Variants in ECE1 observed in about 807,000 individuals in gnomAD.
The protein encoded by ECE1 is endothelin converting enzyme 1, also known as endothelin-converting enzyme 1.
Under a neutral mutation model 98.6 loss-of-function variants are expected in ECE1, and 35 were observed. The observed-to-expected ratio is 0.35, with a 90% CI of 0.27 to 0.47. The LOEUF is 0.47. ECE1 is among the 20% of genes least tolerant of loss of function. ECE1 has a pLI of 1.00. For missense variants in ECE1, 814 were observed against 1,025.3 expected (o/e 0.79, Z 2.81); for synonymous variants, 394 against 407.1 (o/e 0.97, Z 0.39).
chr1:21,239,317 G>A (rs2098192766), intron 10 of ECE1, among the ~76,000 whole-genome samples: 1 of 152,330 alleles, frequency 6.6e-6, no homozygotes, highest in East Asian at 1.9e-4. Flanking sequence ...TCCCTCTGTG[G>A]ACAGTATATA....
At chr1:21,221,944 A>G in intron 17 of ECE1, 102 bp from the exon 18 acceptor site, 3 of 1,053,594 alleles carry the variant, frequency 2.8e-6, no homozygotes, top group South Asian at 2.5e-5. Flanking sequence ...TGGGGCAAGG[A>G]CTAGTTTCTG....
chr1:21,344,040 C>G (rs1353182233), intron 1 of ECE1, among the ~76,000 whole-genome samples: 3 of 152,134 alleles, frequency 2.0e-5, no homozygotes, highest in African/African-American at 7.2e-5. Flanking sequence ...GGTTGAGTCT[C>G]ACGTGGTCTC....
At chr1:21,334,755 G>A (rs903038099) in intron 1 of ECE1, among the ~76,000 whole-genome samples, 3 of 152,120 alleles carry the variant, frequency 2.0e-5, no homozygotes, top group African/African-American at 4.8e-5. Flanking sequence ...GCAAGGTCTC[G>A]AAGCATCTGG....
intron 1 of ECE1, among the ~76,000 whole-genome samples, chr1:21,308,794 CCTT>C (rs1354769768): frequency 6.6e-6 from 1 of 152,096 alleles, no homozygotes; most frequent in Admixed American, 6.5e-5. Context: ...CCCCAGGGCT[CCTT>C]CTCTGATGCC....
intron 11 of ECE1, among the ~76,000 whole-genome samples, chr1:21,237,264 C>T (rs1429973882): frequency 1.3e-5 from 2 of 152,046 alleles, no homozygotes; most frequent in African/African-American, 4.8e-5. Flanking sequence ...ACTCATGTTC[C>T]GAGGAGCAGC....
chr1:21,250,993 C>T (rs573150834), intron 8 of ECE1, among the ~76,000 whole-genome samples: 37 of 149,236 alleles, frequency 2.5e-4, no homozygotes, highest in Non-Finnish European at 4.6e-4. Flanking sequence ...GGCGACAGAG[C>T]GAGACTCAGT....
intron 8 of ECE1, among the ~76,000 whole-genome samples, chr1:21,252,560 C>T (rs1212390819): frequency 1.3e-5 from 2 of 152,172 alleles, no homozygotes; most frequent in Non-Finnish European, 2.9e-5. Flanking sequence ...CAGCCTTTGG[C>T]GTGAGGGTCC....
rs571994115 is a variant in ECE1, at chr1:21,242,921, C to T, written c.1278+2068G>A. 3.9e-5 allele frequency among the ~76,000 whole-genome samples: 6 copies of T among 152,356 alleles called. No homozygotes were observed. In the South Asian group the frequency reaches 1.0e-3, roughly 26 times the overall value. On this transcript the variant is annotated intron_variant, in intron 10 of 18. Transcript: ENST00000374893. Reference sequence around the variant, plus strand: ...TCAGCCTCCAGGGTAGCTGGGACTACAGACATGCACCACTGCGCCTGGCTC... The same window carrying T: ...TCAGCCTCCAGGGTAGCTGGGACTATAGACATGCACCACTGCGCCTGGCTC...
chr1:21,253,919 A>G (rs992127896), intron 8 of ECE1, among the ~76,000 whole-genome samples: 1 of 151,458 alleles, frequency 6.6e-6, no homozygotes, highest in South Asian at 2.1e-4. Flanking sequence ...AAATACAAAA[A>G]TTAGCCGGGC....
chr1:21,320,518 G>A (rs936357210), intron 1 of ECE1, among the ~76,000 whole-genome samples: 3 of 152,160 alleles, frequency 2.0e-5, no homozygotes, highest in African/African-American at 7.2e-5. Flanking sequence ...AAAATTCTTG[G>A]CCAGACTGTG....
intron 1 of ECE1, among the ~76,000 whole-genome samples, chr1:21,325,856 T>C (rs969229767): frequency 6.6e-6 from 1 of 152,188 alleles, no homozygotes; most frequent in African/African-American, 2.4e-5. Context: ...CAGGGAGTCC[T>C]GCCTACTGTC....
chr1:21,224,802 C>A (rs1371525744), intron 17 of ECE1, among the ~76,000 whole-genome samples: 4 of 152,202 alleles, frequency 2.6e-5, no homozygotes, highest in Non-Finnish European at 5.9e-5. Context: ...CTAATCAGAG[C>A]CAAGTCAAGT....
Position 21,306,332 on chromosome 1 carries a change from T to C in ECE1, c.4-16176A>G, listed in dbSNP as rs1357153140. ...ACATACTATATGTTAAGTGTTTTTT[T>C]GTTTTTTTTTTTTTCAGATGGAGTT... is the stretch of plus-strand genomic sequence containing the variant. On this transcript the variant is annotated intron_variant, in intron 1 of 18. Coordinates refer to the ECE1 transcript ENST00000415912. 4.1e-5 allele frequency among the ~76,000 whole-genome samples: 6 copies of C among 147,476 alleles called. No homozygotes were observed. In the East Asian group the frequency reaches 1.2e-3, roughly 28 times the overall value.
chr1:21,282,010 G>C, intron 2 of ECE1, among the ~76,000 whole-genome samples: 1 of 152,196 alleles, frequency 6.6e-6, no homozygotes, highest in East Asian at 1.9e-4. Flanking sequence ...CCATCAGCCA[G>C]GCATGGTGGC....
At chr1:21,227,049 G>C in intron 16 of ECE1, 110 bp downstream of exon 16, 1 of 1,060,398 alleles carries the variant, frequency 9.4e-7, no homozygotes, top group Non-Finnish European at 1.4e-6. Context: ...TAGAGATGGA[G>C]GTCTTGCTAT....
intron 8 of ECE1, among the ~76,000 whole-genome samples, chr1:21,250,084 G>T (rs946442831): frequency 6.6e-6 from 1 of 151,784 alleles, no homozygotes; most frequent in South Asian, 2.1e-4. Context: ...TGGCCCCACA[G>T]ATTTCATCTT....
At chr1:21,266,342 C>T (rs1476272352) in intron 4 of ECE1, 2 of 152,160 alleles carry the variant, frequency 1.3e-5, no homozygotes, top group African/African-American at 4.8e-5. Context: ...CAGGGCAGGA[C>T]CAGTGTTTGT....
At chr1:21,246,682 G>C (rs927352062) in intron 9 of ECE1, among the ~76,000 whole-genome samples, 1 of 151,946 alleles carries the variant, frequency 6.6e-6, no homozygotes, top group Non-Finnish European at 1.5e-5. Context: ...TTTGAGACAG[G>C]GTTTTACTCT....
intron 1 of ECE1, among the ~76,000 whole-genome samples, chr1:21,329,498 G>A (rs1446762719): frequency 1.3e-5 from 2 of 152,182 alleles, no homozygotes; most frequent in Non-Finnish European, 2.9e-5. Flanking sequence ...TGGCTTAGCT[G>A]TGTGACCTTG....
Sources: gnomAD v4.1 joint callset for allele counts (sites outside exome capture counted in the v4.1 genomes callset) on GRCh38, gnomAD v4.1.1 for gene constraint, MANE v1.5 for transcripts, NCBI Gene and HGNC (gene_info 2026-07-23, HGNC 2026-07-21) for gene names.